The following GABRA3 variants were observed in gnomAD, a reference collection of about 807,000 sequenced individuals.
GABRA3 encodes the protein gamma-aminobutyric acid type A receptor subunit alpha3.
In GABRA3, 10 loss-of-function variants were observed where a neutral mutation model predicts 30.1. The ratio of observed to expected loss-of-function variants is 0.33; its 90% CI spans 0.20 to 0.56. GABRA3 has a LOEUF of 0.56. Ranked by LOEUF, GABRA3 falls within the 20% of genes least tolerant of loss-of-function variation. GABRA3 has a pLI of 0.89. For synonymous variants in GABRA3, 151 were observed against 146.8 expected, an observed-to-expected ratio of 1.03 and a Z score of -0.21; for missense variants, 233 against 392.0, an observed-to-expected ratio of 0.59 and a Z score of 3.42.
At chrX:152,445,426 T>C (rs1224937219) in intron 1 of GABRA3, among the ~76,000 whole-genome samples, 2 of 111,204 alleles carry the variant, frequency 1.8e-5, no homozygotes, top group Non-Finnish European at 3.8e-5. Context: ...CCACCTAATA[T>C]CCAACTTTAC....
chrX:152,244,272 G>A (rs1056461386), intron 5 of GABRA3, among the ~76,000 whole-genome samples: 1 of 111,860 alleles, frequency 8.9e-6, no homozygotes, highest in African/African-American at 3.3e-5. Context: ...TGTCTTCAGT[G>A]CCTGCTGTGG....
chrX:152,244,943 A>AT (rs1221377565), intron 5 of GABRA3, among the ~76,000 whole-genome samples: 2 of 111,877 alleles, frequency 1.8e-5, no homozygotes, highest in Admixed American at 1.9e-4. Flanking sequence ...AATACTGATT[A>AT]TTTTTTAAAT....
chrX:152,239,777 T>C (rs1156351413), intron 5 of GABRA3, among the ~76,000 whole-genome samples: 1 of 104,953 alleles, frequency 9.5e-6, no homozygotes, highest in Non-Finnish European at 1.9e-5. Context: ...TTGATCTTTG[T>C]TGGTTTCAAG....
At chrX:152,315,728 T>C (rs1939863400) in intron 3 of GABRA3, among the ~76,000 whole-genome samples, 1 of 109,856 alleles carries the variant, frequency 9.1e-6, no homozygotes, top group African/African-American at 3.3e-5. Context: ...CTGCTGGCTG[T>C]CCCCCACTTC....
At chrX:152,348,246 C>A (rs983185304) in intron 2 of GABRA3, among the ~76,000 whole-genome samples, 1 of 110,751 alleles carries the variant, frequency 9.0e-6, no homozygotes, top group African/African-American at 3.3e-5. Context: ...CATGGCATGT[C>A]AGAATTATGG....
At chrX:152,327,758 T>C (rs1390132264) in intron 3 of GABRA3, among the ~76,000 whole-genome samples, 3 of 111,628 alleles carry the variant, frequency 2.7e-5, no homozygotes, top group African/African-American at 9.8e-5. Flanking sequence ...AGGAAAGATC[T>C]AAAATTGACA....
At chrX:152,354,211 T>A (rs1029366712) in intron 2 of GABRA3, among the ~76,000 whole-genome samples, 6 of 111,472 alleles carry the variant, frequency 5.4e-5, no homozygotes. Context: ...GAACCAAACT[T>A]TCTGGGTTTC....
chrX:152,235,895 T>C (rs1402924051), intron 5 of GABRA3, among the ~76,000 whole-genome samples: 1 of 107,919 alleles, frequency 9.3e-6, no homozygotes, highest in East Asian at 2.9e-4. Context: ...CCCCAAATAG[T>C]GAAAGCAATC....
chrX:152,248,205 TA>T (rs376313890), intron 5 of GABRA3, among the ~76,000 whole-genome samples: 3,597 of 105,595 alleles, frequency 0.034, 152 homozygotes, highest in African/African-American at 0.11. Flanking sequence ...GATTTCAATT[TA>T]AAAAAAAAAA....
At chrX:152,193,240 TC>T (rs1937345961) in intron 8 of GABRA3, among the ~76,000 whole-genome samples, 1 of 111,323 alleles carries the variant, frequency 9.0e-6, no homozygotes, top group African/African-American at 3.3e-5. Context: ...GCTTTCATTT[TC>T]TATGGATTAG....
Position 152,295,058 on chromosome X carries a change from C to T in GABRA3, c.263-10323G>A, listed in dbSNP as rs1171699406. On this transcript the variant is annotated intron_variant, in intron 3 of 9. Transcript: ENST00000370314. ...AGCGAATATTGCTGCCTGATTCTTC[C>T]TCTGGAAGCTTCATACCAGAGGGTT... Among the ~76,000 whole-genome samples, 6 of 111,578 alleles carry T rather than the reference C, an allele frequency of 5.4e-5. No homozygotes were observed. In the East Asian group the frequency reaches 1.1e-3, roughly 21 times the overall value.
rs969367631 is a variant in GABRA3 at position 152,215,533 on chromosome X, A to T, written c.635-7389T>A. ...GTCTTTTCAACATGGTGCTGAGAAA[A>T]CTGCATGTCCACATGTACAAGAATG... On this transcript the variant is annotated intron_variant, in intron 6 of 9. Coordinates refer to ENST00000370314, the MANE Select transcript of GABRA3 (RefSeq NM_000808.4). 2.7e-5 allele frequency among the ~76,000 whole-genome samples: 3 copies of T among 111,002 alleles called. No individual in the cohort carries two copies. The East Asian group carries it at 8.5e-4, about 31-fold the overall frequency.
intron 5 of GABRA3, among the ~76,000 whole-genome samples, chrX:152,239,098 T>A (rs1938297223): frequency 9.7e-6 from 1 of 102,889 alleles, no homozygotes; most frequent in African/African-American, 3.6e-5. Context: ...GGTGTCAATT[T>A]TGGATCTTTC....
chrX:152,206,221 C>T (rs189386757), intron 7 of GABRA3, among the ~76,000 whole-genome samples: 26 of 112,860 alleles, frequency 2.3e-4, no homozygotes, highest in African/African-American at 7.4e-4. Context: ...GCCTCTAGGG[C>T]CCAGCTGTGC....
At chrX:152,378,033 T>G (rs1358215700) in intron 1 of GABRA3, among the ~76,000 whole-genome samples, 2 of 112,231 alleles carry the variant, frequency 1.8e-5, no homozygotes, top group African/African-American at 3.2e-5. Context: ...AAATTCACAT[T>G]AATGTTTGAT....
intron 5 of GABRA3, among the ~76,000 whole-genome samples, chrX:152,242,741 G>A: frequency 8.9e-6 from 1 of 111,844 alleles, no homozygotes; most frequent in South Asian, 3.8e-4. Context: ...TAAAAGATAG[G>A]TGTTGGCGAG....
chrX:152,177,445 C>T (rs1048008273), intron 9 of GABRA3, among the ~76,000 whole-genome samples: 2 of 110,825 alleles, frequency 1.8e-5, no homozygotes, highest in Non-Finnish European at 3.8e-5. Context: ...GACACAGAGG[C>T]GAGCCCTATG....
intron 1 of GABRA3, among the ~76,000 whole-genome samples, chrX:152,448,805 A>G (rs750944491): frequency 7.3e-4 from 81 of 111,275 alleles, no homozygotes; most frequent in Non-Finnish European, 1.2e-3. Context: ...TATTGTCCGG[A>G]TGCCATATAG....
chrX:152,290,046 C>G (rs1445381220), intron 3 of GABRA3, among the ~76,000 whole-genome samples: 1 of 111,915 alleles, frequency 8.9e-6, no homozygotes, highest in East Asian at 2.8e-4. Flanking sequence ...AATGGGATCG[C>G]TAGGTCAAAT....
Sources: gnomAD v4.1 joint callset for allele counts (sites outside exome capture counted in the v4.1 genomes callset) on GRCh38, gnomAD v4.1.1 for gene constraint, MANE v1.5 for transcripts, NCBI Gene and HGNC (gene_info 2026-07-23, HGNC 2026-07-21) for gene names.